Variants in FRRS1 observed in about 807,000 individuals in gnomAD.
FRRS1 encodes ferric reductase 1.
FRRS1 carries 51 observed loss-of-function variants against 70.7 expected under a neutral mutation model. The ratio of observed to expected loss-of-function variants is 0.72; its 90% CI spans 0.58 to 0.91. FRRS1 has a LOEUF of 0.91. Ranked by LOEUF, FRRS1 falls within the 40% of genes least tolerant of loss-of-function variation. The pLI is 0.00. For synonymous variants in FRRS1, 225 were observed against 238.7 expected (o/e 0.94, Z 0.53); for missense variants, 672 against 726.0 (o/e 0.93, Z 0.86).
chr1:99,734,259 G>A (rs773890464), intron 7 of FRRS1, among the ~76,000 whole-genome samples: 1 of 152,082 alleles, frequency 6.6e-6, no homozygotes, highest in Non-Finnish European at 1.5e-5. Flanking sequence ...AATACAGATC[G>A]TCTGTTACAT....
intron 12 of FRRS1, among the ~76,000 whole-genome samples, chr1:99,713,109 A>G (rs2100903223): frequency 6.9e-6 from 1 of 145,314 alleles, no homozygotes; most frequent in South Asian, 2.1e-4. Flanking sequence ...ATGTGTTTAG[A>G]ATGTGCTAGG....
At chr1:99,713,329 C>T (rs1407180822) in intron 12 of FRRS1, among the ~76,000 whole-genome samples, 3 of 152,154 alleles carry the variant, frequency 2.0e-5, no homozygotes, top group Non-Finnish European at 2.9e-5. Context: ...TTTGTTCTAT[C>T]GTATTCATAA....
chr1:99,709,121 C>G lies in FRRS1; in HGVS notation c.1687-1G>C. 6.2e-7 allele frequency: 1 copy of G among 1,610,698 alleles called. No individual in the cohort carries two copies. Among genetic ancestry groups the G allele is most frequent in the Non-Finnish European group, 8.5e-7 (1 of 1,178,532 alleles). ...ACACTGCCTTTTTAAAAGCATGACCCTGAAAGAAAAATTGAGATATGAAAA... is the reference window on the plus strand; with the variant it reads ...ACACTGCCTTTTTAAAAGCATGACCGTGAAAGAAAAATTGAGATATGAAAA... On this transcript the variant is annotated splice_acceptor_variant, in intron 16 of 16. Transcript: ENST00000646001. LOFTEE classifies it high-confidence loss of function.
intron 9 of FRRS1, among the ~76,000 whole-genome samples, chr1:99,722,243 A>G (rs534923775): frequency 7.2e-4 from 109 of 152,200 alleles, no homozygotes; most frequent in African/African-American, 2.5e-3. Context: ...TCCTGGGCTC[A>G]AATGATCTGC....
intron 12 of FRRS1, among the ~76,000 whole-genome samples, chr1:99,713,379 T>C (rs915786994): frequency 2.0e-5 from 3 of 152,252 alleles, no homozygotes; most frequent in Admixed American, 6.5e-5. Flanking sequence ...AAAATAAGTG[T>C]TACCTTTGTC....
In FRRS1 at chr1:99,747,545, A is replaced by G. The variant is rs1030767881; in HGVS notation, c.197-115T>C. 2.8e-5 allele frequency: 27 copies of G among 959,012 alleles called. No homozygotes were observed. In the African/African-American group the frequency reaches 3.9e-4, roughly 14 times the overall value. The allele number at this position is 959,012 out of a possible 1,614,324, so 59.4% of individuals were successfully genotyped here. On this transcript the variant is annotated intron_variant, in intron 3 of 16. Transcript: ENST00000646001. ...TACATATGCAAAAGTACTCCTGGAGAGAAAACAGTCATCTTATAGGCAAAG... is the reference window on the plus strand; with the variant it reads ...TACATATGCAAAAGTACTCCTGGAGGGAAAACAGTCATCTTATAGGCAAAG...
chr1:99,760,006 G>A (rs1657037409), intron 1 of FRRS1, among the ~76,000 whole-genome samples: 3 of 152,180 alleles, frequency 2.0e-5, no homozygotes, highest in Admixed American at 2.0e-4. Flanking sequence ...CAAAGTGAGT[G>A]GGGAGCTATT....
chr1:99,734,823 G>A (rs114082770), intron 7 of FRRS1, among the ~76,000 whole-genome samples: 4 of 152,074 alleles, frequency 2.6e-5, no homozygotes, highest in African/African-American at 9.7e-5. Flanking sequence ...ATGTTGCTTT[G>A]TGCTGTCCAG....
intron 1 of FRRS1, among the ~76,000 whole-genome samples, chr1:99,751,957 T>A (rs1327484215): frequency 6.6e-6 from 1 of 152,226 alleles, no homozygotes; most frequent in East Asian, 1.9e-4. Flanking sequence ...TATGCTTCTA[T>A]ATCAGCAAAA....
At chr1:99,736,553 A>G (rs12117489) in intron 7 of FRRS1, among the ~76,000 whole-genome samples, 129,463 of 145,338 alleles carry the variant, frequency 0.89, 58,046 homozygotes, top group East Asian at 0.99. Context: ...CTCACTCATA[A>G]GTGGGAATTG....
chr1:99,761,728 T>TA (rs1447038272), intron 1 of FRRS1, among the ~76,000 whole-genome samples: 3 of 152,096 alleles, frequency 2.0e-5, no homozygotes, highest in Non-Finnish European at 4.4e-5. Context: ...GGAAGAAACA[T>TA]ACAAGGGTTT....
intron 7 of FRRS1, among the ~76,000 whole-genome samples, chr1:99,733,224 G>A (rs1159738151): frequency 2.0e-5 from 3 of 152,276 alleles, no homozygotes; most frequent in Non-Finnish European, 4.4e-5. Flanking sequence ...GGAAATCATG[G>A]AAGCAAGAGG....
chr1:99,741,028 T>A, intron 5 of FRRS1, 88 bp from the exon 6 acceptor site: 1 of 1,232,784 alleles, frequency 8.1e-7, no homozygotes, highest in Non-Finnish European at 1.2e-6. Context: ...AAAGAAAGAC[T>A]AAACTAGAAA....
chr1:99,761,436 A>G (rs1020734504), intron 1 of FRRS1, among the ~76,000 whole-genome samples: 1 of 151,864 alleles, frequency 6.6e-6, no homozygotes, highest in Non-Finnish European at 1.5e-5. Flanking sequence ...CAATTTTTCC[A>G]TTTTCTTTAT....
At chr1:99,738,386 T>C in intron 6 of FRRS1, 118 bp from the exon 7 acceptor site, 2 of 624,068 alleles carry the variant, frequency 3.2e-6, no homozygotes, top group Non-Finnish European at 5.5e-6. Context: ...AGAATACCTT[T>C]CCATAATAAG....
At chr1:99,722,019 A>T (rs1654858108) in intron 9 of FRRS1, among the ~76,000 whole-genome samples, 2 of 150,086 alleles carry the variant, frequency 1.3e-5, no homozygotes, top group South Asian at 4.2e-4. Flanking sequence ...TATTATTATT[A>T]TTATTTTTGA....
In FRRS1 at chr1:99,738,137, G is replaced by A. The variant is rs7514021; in HGVS notation, c.708C>T (p.Ser236=). ...RDDQSVMVEM[S]GPSKGYLSFA... The stretch of plus-strand genomic sequence containing the variant: ...AGGATAAATAGCCTTTACTGGGGCC[G>A]CTCATTTCAACCATCACCGATTGGT... Residue 236 remains serine, a synonymous_variant, in exon 7 of 17, where the codon AGC becomes AGT. Transcript: ENST00000646001. 591,041 of 1,606,442 alleles carry A rather than the reference G, an allele frequency of 0.37. 122,886 individuals are homozygous for A. The highest frequency in any genetic ancestry group is 0.86 in the African/African-American group (64,141 of 74,864).
At position 99,748,940 on chromosome 1, in the gene FRRS1, A is replaced by G. The variant is rs1557704314; in HGVS notation, c.-44T>C. 2 of 526,252 alleles carry G rather than the reference A, an allele frequency of 3.8e-6. No homozygotes were observed. The allele number at this position is 526,252 out of a possible 1,614,324, so 32.6% of individuals were successfully genotyped here. On this transcript the variant is annotated 5_prime_UTR_variant, in exon 2 of 17. Transcript: ENST00000646001. ...TATGTGAAGTTTCACCCGAATTTCA[A>G]TCTCAGCTCTACAAATTACTGTGAG... is the stretch of plus-strand genomic sequence containing the variant.
In FRRS1 at chr1:99,741,557, T is replaced by C. The variant is rs116330167; in HGVS notation, c.429-617A>G. 3.6e-3 allele frequency among the ~76,000 whole-genome samples: 544 copies of C among 152,332 alleles called. 12 individuals are homozygous for C. The highest frequency in any genetic ancestry group is 2.9e-3 in the Non-Finnish European group (195 of 68,028). The stretch of plus-strand genomic sequence containing the variant: ...TTATAACATTCCATTTCCCCTTGTA[T>C]GTAGGATAAGGAAGAAGTTCTGTTT... On this transcript the variant is annotated intron_variant, in intron 5 of 16. Coordinates refer to ENST00000646001, the MANE Select transcript of FRRS1 (RefSeq NM_001361041.2).
Sources: allele counts gnomAD v4.1 joint callset (sites outside exome capture counted in the v4.1 genomes callset), GRCh38; gene constraint gnomAD v4.1.1; transcripts MANE v1.5; gene names NCBI Gene and HGNC (gene_info 2026-07-23, HGNC 2026-07-21).